CCDC158: variants seen among roughly 807,000 people sequenced by gnomAD.
The protein encoded by CCDC158 is coiled-coil domain containing 158.
Under a neutral mutation model 138.6 loss-of-function variants are expected in CCDC158, and 116 were observed. The observed-to-expected ratio is 0.84, with a 90% CI of 0.72 to 0.98. The LOEUF is 0.98. Ranked by LOEUF, CCDC158 falls within the 50% of genes least tolerant of loss-of-function variation. The pLI is 0.00. For synonymous variants in CCDC158, 436 were observed against 442.4 expected (o/e 0.99, Z 0.18); for missense variants, 1,265 against 1,306.1 (o/e 0.97, Z 0.48).
intron 2 of CCDC158, among the ~76,000 whole-genome samples, chr4:76,406,815 T>C (rs868532590): frequency 1.3e-5 from 2 of 152,082 alleles, no homozygotes; most frequent in Non-Finnish European, 1.5e-5. Context: ...ATCTGTGACA[T>C]ACATTAAAAT....
chr4:76,380,900 T>A (rs1434058527), intron 8 of CCDC158, among the ~76,000 whole-genome samples: 1 of 152,194 alleles, frequency 6.6e-6, no homozygotes, highest in Admixed American at 6.5e-5. Context: ...CAGCCATGGC[T>A]AAAATGGGCC....
chr4:76,363,920 G>A (rs887506786), intron 12 of CCDC158, among the ~76,000 whole-genome samples: 10 of 152,144 alleles, frequency 6.6e-5, no homozygotes, highest in African/African-American at 2.4e-4. Context: ...AAGGCAACTG[G>A]AAGAGCAAAC....
At chr4:76,336,488 G>C (rs1012261323) in intron 18 of CCDC158, among the ~76,000 whole-genome samples, 2 of 152,138 alleles carry the variant, frequency 1.3e-5, no homozygotes, top group African/African-American at 4.8e-5. Flanking sequence ...CATATCAAAA[G>C]TGATGAAGAA....
chr4:76,386,330 C>G (rs1212847542), intron 4 of CCDC158, among the ~76,000 whole-genome samples: 1 of 152,230 alleles, frequency 6.6e-6, no homozygotes, highest in East Asian at 1.9e-4. Flanking sequence ...GAACATAAGG[C>G]TGATTCACAC....
intron 14 of CCDC158, 105 bp from the exon 15 acceptor site, chr4:76,355,541 A>AAGGTATCTGG: frequency 1.3e-6 from 1 of 784,590 alleles, no homozygotes; most frequent in East Asian, 2.4e-5. Context: ...AAGATCCTCC[A>AAGGTATCTGG]AGGTATCTGG....
chr4:76,415,880 GA>G (rs1729652892), intron 1 of CCDC158, among the ~76,000 whole-genome samples: 1 of 152,184 alleles, frequency 6.6e-6, no homozygotes, highest in Non-Finnish European at 1.5e-5. Flanking sequence ...AGCAGACCGG[GA>G]AAGGGAGTCT....
intron 4 of CCDC158, among the ~76,000 whole-genome samples, chr4:76,385,906 C>G (rs1037768993): frequency 2.6e-5 from 4 of 152,092 alleles, no homozygotes; most frequent in Non-Finnish European, 5.9e-5. Context: ...TACAAAGGAA[C>G]AAGAACCAGA....
Position 76,328,975 on chromosome 4 carries a change from C to A in CCDC158, c.2943-8G>T, listed in dbSNP as rs1720776550. ...TGTAATGTGACTGGCTCTCTGGAAG[C>A]ATAAGAATGGTAATGCAAGCATTCC... is the stretch of plus-strand genomic sequence containing the variant. On this transcript the variant is annotated splice_region_variant and splice_polypyrimidine_tract_variant and intron_variant, in intron 21 of 24. Transcript: ENST00000682701. 1 of 1,611,516 alleles carries A rather than the reference C, an allele frequency of 6.2e-7. No individual in the cohort carries two copies. Among genetic ancestry groups the A allele is most frequent in the South Asian group, 1.1e-5 (1 of 91,036 alleles).
rs768149486 is a variant in CCDC158 at position 76,331,339 on chromosome 4, C to G, written c.2942+5G>C. 2 of 1,613,048 alleles carry G rather than the reference C, an allele frequency of 1.2e-6. No individual in the cohort carries two copies. The highest frequency in any genetic ancestry group is 3.3e-5 in the Admixed American group (2 of 60,010). On this transcript the variant is annotated splice_donor_5th_base_variant and intron_variant, in intron 21 of 24. Coordinates refer to ENST00000682701, the MANE Select transcript of CCDC158 (RefSeq NM_001394954.1). ...ATTTTGAAAATGGGGGCTGGTATTT[C>G]CTACCTACTAAGAGTTTCACTTGAT...
chr4:76,392,324 A>C (rs1483411082), intron 4 of CCDC158, among the ~76,000 whole-genome samples: 2 of 152,096 alleles, frequency 1.3e-5, no homozygotes, highest in Non-Finnish European at 2.9e-5. Context: ...AAACATATGT[A>C]AATCAATCAA....
intron 18 of CCDC158, among the ~76,000 whole-genome samples, chr4:76,336,511 C>T (rs1721525059): frequency 6.6e-6 from 1 of 152,152 alleles, no homozygotes; most frequent in African/African-American, 2.4e-5. Flanking sequence ...CTCTCTACGG[C>T]ATTCTAGTAA....
At chr4:76,344,642 A>C (rs1253427726) in intron 18 of CCDC158, 2 of 1,579,330 alleles carry the variant, frequency 1.3e-6, no homozygotes, top group Non-Finnish European at 1.7e-6. Context: ...TCAAATTTAC[A>C]GTGCACACAA....
In CCDC158 at chr4:76,351,792, T is replaced by G. The variant is rs781726058; in HGVS notation, c.2466A>C (p.Glu822Asp). 6.2e-7 allele frequency: 1 copy of G among 1,611,766 alleles called. No individual in the cohort carries two copies. The highest frequency in any genetic ancestry group is 1.3e-5 in the African/African-American group (1 of 75,020). The change falls in exon 17 of 25, where the codon GAA (glutamate) becomes GAC (aspartate). Residue 822 changes from glutamate (E) to aspartate (D), a missense_variant. Transcript: ENST00000682701. ...CCTGACGCTGTATTATATCTTGACA[T>G]TCTGCAAACTGCAAAGATGCCTACA... ...ALDKASLQFA[E>D]CQDIIQRQEQ...
chr4:76,405,157 G>T (rs1461708783), intron 2 of CCDC158, among the ~76,000 whole-genome samples: 1 of 152,056 alleles, frequency 6.6e-6, no homozygotes, highest in African/African-American at 2.4e-5. Flanking sequence ...CAAAAAAGAT[G>T]AAATAATTTA....
At chr4:76,368,799 A>G (rs11097338) in intron 11 of CCDC158, among the ~76,000 whole-genome samples, 95,957 of 152,012 alleles carry the variant, frequency 0.63, 30,725 homozygotes, top group East Asian at 0.8. Context: ...GCTTCTCTGC[A>G]GCAGAAATAA....
Position 76,331,415 on chromosome 4 carries a change from G to C in CCDC158, c.2883-12C>G. On this transcript the variant is annotated splice_polypyrimidine_tract_variant and intron_variant, in intron 20 of 24. Coordinates refer to ENST00000682701, the MANE Select transcript of CCDC158 (RefSeq NM_001394954.1). ...ACGAGTTGTTGCTTCTGTTGGTAGA[G>C]GGATGGGAGAAATCACAGTTTAAAT... 1 of 1,611,466 alleles carries C rather than the reference G, an allele frequency of 6.2e-7. No individual in the cohort carries two copies. Among genetic ancestry groups the C allele is most frequent in the South Asian group, 1.1e-5 (1 of 90,960 alleles).
intron 11 of CCDC158, 28 bp from the exon 12 acceptor site, chr4:76,367,804 T>A (rs201713911): frequency 4.9e-4 from 765 of 1,575,336 alleles, no homozygotes; most frequent in Non-Finnish European, 6.1e-4. Flanking sequence ...GAGAATTTCA[T>A]AGATTTGGGA....
intron 18 of CCDC158, chr4:76,344,871 A>G: frequency 6.4e-7 from 1 of 1,573,136 alleles, no homozygotes; most frequent in Non-Finnish European, 8.8e-7. Context: ...TGCCAAGATG[A>G]AACAAGAACT....
In CCDC158 at chr4:76,384,195, G is replaced by A; in HGVS notation, c.619C>T (p.His207Tyr). The A allele has an allele frequency of 1.2e-6, 2 of 1,614,152 alleles. No homozygotes were observed. The highest frequency in any genetic ancestry group is 1.7e-6 in the Non-Finnish European group (2 of 1,180,000). The change falls in exon 6 of 25, where the codon CAT becomes TAT. Residue 207 changes from histidine (H) to tyrosine (Y), a missense_variant. Transcript: ENST00000682701. Reference protein sequence around the residue: ...EEASGKKICEHDSMSTLHFRS... With the variant: ...EEASGKKICEYDSMSTLHFRS... ...AAGTGCAGAGTAGACATGCTGTCAT[G>A]TTCACATATTTTTTTGCCTGAGGCT...
Sources: allele counts gnomAD v4.1 joint callset (sites outside exome capture counted in the v4.1 genomes callset), GRCh38; gene constraint gnomAD v4.1.1; transcripts MANE v1.5; gene names NCBI Gene and HGNC (gene_info 2026-07-23, HGNC 2026-07-21).